The following SHISA9 variants were observed in gnomAD, a reference collection of about 807,000 sequenced individuals.
SHISA9 encodes shisa family member 9.
In SHISA9, 13 loss-of-function variants were observed where a neutral mutation model predicts 38.0. The observed-to-expected ratio is 0.34, with a 90% CI of 0.22 to 0.54. The LOEUF (loss-of-function observed/expected upper bound fraction) is 0.54, where lower values mean the gene tolerates loss of function less well. Among genes scored for constraint, SHISA9 ranks in the 20% least tolerant of loss-of-function variants. The pLI is 0.91. For synonymous variants in SHISA9, 275 were observed against 242.0 expected, an observed-to-expected ratio of 1.14 and a Z score of -1.27; for missense variants, 538 against 575.8, an observed-to-expected ratio of 0.93 and a Z score of 0.67.
intron 2 of SHISA9, 67 bp from the exon 3 acceptor site, chr16:13,203,327 T>A (rs1302869811): frequency 1.0e-5 from 14 of 1,379,768 alleles, no homozygotes; most frequent in Non-Finnish European, 1.1e-5. Context: ...AGTGATGTGG[T>A]GATGGGAGGG....
rs554961490 is a variant in SHISA9 at position 12,936,709 on chromosome 16, A to G, written c.691+19894A>G. Among the ~76,000 whole-genome samples the G allele has an allele frequency of 4.1e-4, 63 of 152,360 alleles. No individual in the cohort carries two copies. The East Asian group carries it at 0.012, about 28-fold the overall frequency. The stretch of plus-strand genomic sequence containing the variant: ...TACTTCATCTGGTGCTGAACCAGAG[A>G]AACAGCCATCATGGGTAATTTTGGC... On this transcript the variant is annotated intron_variant, in intron 2 of 4. Transcript: ENST00000558583.
At chr16:12,943,316 TGTGTGTGTGTGTGTGAGAGAGA>T (rs2071641173) in intron 2 of SHISA9, among the ~76,000 whole-genome samples, 1 of 37,362 alleles carries the variant, frequency 2.7e-5, no homozygotes, top group African/African-American at 1.0e-4. Context: ...TGTGTGTGTG[TGTGTGTGTGTGTGTGAGAGAGA>T]GAGAGAGAGA....
intron 4 of SHISA9, among the ~76,000 whole-genome samples, chr16:13,221,547 A>G (rs963190308): frequency 1.3e-5 from 2 of 152,106 alleles, no homozygotes; most frequent in African/African-American, 4.8e-5. Context: ...ATATAAGTTA[A>G]ATACTGTTTT....
At chr16:13,171,345 A>G (rs2050684568) in intron 2 of SHISA9, among the ~76,000 whole-genome samples, 1 of 152,146 alleles carries the variant, frequency 6.6e-6, no homozygotes, top group Non-Finnish European at 1.5e-5. Flanking sequence ...AAACCATATC[A>G]GGCTTCTAGT....
chr16:13,022,488 C>T lies in SHISA9; in HGVS notation c.691+105673C>T, dbSNP rs2072869874. ...CTGGGGTTACAGGCATGTGCCACCA[C>T]ACCCGGCTAATTTTTTATTGTTAAT... is the stretch of plus-strand genomic sequence containing the variant. On this transcript the variant is annotated intron_variant, in intron 2 of 4. Coordinates refer to ENST00000558583, the MANE Select transcript of SHISA9 (RefSeq NM_001145204.3). Among the ~76,000 whole-genome samples, 5 of 152,212 alleles carry T rather than the reference C, an allele frequency of 3.3e-5. No homozygotes were observed. The South Asian group carries it at 6.2e-4, about 19-fold the overall frequency.
intron 2 of SHISA9, among the ~76,000 whole-genome samples, chr16:13,058,361 G>A (rs977838113): frequency 3.3e-5 from 5 of 152,150 alleles, no homozygotes; most frequent in African/African-American, 1.2e-4. Context: ...ACTGCTCTGT[G>A]CCCTCTTATT....
At chr16:12,970,790 C>G (rs1234640736) in intron 2 of SHISA9, among the ~76,000 whole-genome samples, 1 of 151,740 alleles carries the variant, frequency 6.6e-6, no homozygotes, top group Non-Finnish European at 1.5e-5. Context: ...TCCCAGAGTG[C>G]TGGGATTACA....
the SHISA9 span, among the ~76,000 whole-genome samples, chr16:13,506,723 A>G: frequency 9.7e-3 from 1,473 of 152,194 alleles, 26 homozygotes; most frequent in African/African-American, 0.034. Flanking sequence ...AGTGGGTCAT[A>G]TAGGATCTGC....
intron 2 of SHISA9, among the ~76,000 whole-genome samples, chr16:12,920,934 G>T (rs1248584918): frequency 6.6e-6 from 1 of 152,140 alleles, no homozygotes; most frequent in East Asian, 1.9e-4. Context: ...ATGTGGTAAA[G>T]ACAGGAAACA....
intron 2 of SHISA9, among the ~76,000 whole-genome samples, chr16:13,083,463 G>GAGGGAC (rs1240126042): frequency 6.6e-6 from 1 of 152,194 alleles, no homozygotes; most frequent in Non-Finnish European, 1.5e-5. Flanking sequence ...GTGATTTATA[G>GAGGGAC]AGGGACACTT....
At chr16:13,214,963 C>G (rs1437660992) in intron 4 of SHISA9, among the ~76,000 whole-genome samples, 2 of 151,036 alleles carry the variant, frequency 1.3e-5, no homozygotes, top group Non-Finnish European at 2.9e-5. Flanking sequence ...TTTTTTTTTG[C>G]CGTTTCAAAA....
the SHISA9 span, among the ~76,000 whole-genome samples, chr16:13,320,292 CAA>C: frequency 0.011 from 423 of 38,876 alleles, 1 homozygote; most frequent in African/African-American, 0.023. Context: ...GACTCTGTCT[CAA>C]AAAAAAAAAA....
chr16:13,078,177 G>A (rs936720793), intron 2 of SHISA9, among the ~76,000 whole-genome samples: 12 of 152,138 alleles, frequency 7.9e-5, no homozygotes, highest in Admixed American at 3.9e-4. Flanking sequence ...CTTAGTATCC[G>A]CAGGGGATTG....
At chr16:12,970,357 A>C (rs1387309770) in intron 2 of SHISA9, among the ~76,000 whole-genome samples, 1 of 66,698 alleles carries the variant, frequency 1.5e-5, no homozygotes, top group Non-Finnish European at 3.1e-5. Context: ...ATATGTGTAT[A>C]TATATATATA....
At chr16:13,259,968 C>A in the SHISA9 span, among the ~76,000 whole-genome samples, 1 of 147,528 alleles carries the variant, frequency 6.8e-6, no homozygotes, top group South Asian at 2.1e-4. Context: ...AGCCAGCTTG[C>A]ATTTCTCCCC....
intron 2 of SHISA9, among the ~76,000 whole-genome samples, chr16:12,937,795 G>C (rs187561773): frequency 1.1e-3 from 161 of 152,324 alleles, no homozygotes; most frequent in African/African-American, 3.7e-3. Context: ...ACCATTGGGG[G>C]TTAGGGTTTC....
the SHISA9 span, among the ~76,000 whole-genome samples, chr16:13,323,734 A>G: frequency 2.9e-3 from 439 of 152,328 alleles, 6 homozygotes; most frequent in African/African-American, 0.01. Context: ...AGAGCCCCTT[A>G]TAAAACCATC....
chr16:12,922,582 C>T (rs563907677), intron 2 of SHISA9, among the ~76,000 whole-genome samples: 71 of 152,340 alleles, frequency 4.7e-4, no homozygotes, highest in Admixed American at 1.4e-3. Flanking sequence ...TGCAGGGGCA[C>T]GATCTTGGCT....
At chr16:12,988,524 T>C (rs1033488449) in intron 2 of SHISA9, among the ~76,000 whole-genome samples, 1 of 152,124 alleles carries the variant, frequency 6.6e-6, no homozygotes, top group African/African-American at 2.4e-5. Flanking sequence ...GTTGTTGTTG[T>C]TTGTTTTGTT....
Sources: gnomAD v4.1 joint callset for allele counts (sites outside exome capture counted in the v4.1 genomes callset) on GRCh38, gnomAD v4.1.1 for gene constraint, MANE v1.5 for transcripts, NCBI Gene and HGNC (gene_info 2026-07-23, HGNC 2026-07-21) for gene names.